The following HLCS variants were observed in gnomAD, a reference collection of about 807,000 sequenced individuals.
HLCS encodes the protein biotin--protein ligase.
In HLCS, 53 loss-of-function variants were observed where a neutral mutation model predicts 75.0. That is an observed-to-expected ratio of 0.71 (90% CI 0.57 to 0.89). The LOEUF (loss-of-function observed/expected upper bound fraction) is 0.89, where lower values mean the gene tolerates loss of function less well. HLCS is among the 40% of genes least tolerant of loss of function. The pLI is 0.00. For missense variants in HLCS, 966 were observed against 1,074.0 expected, an observed-to-expected ratio of 0.90 and a Z score of 1.41; for synonymous variants, 431 against 428.6, an observed-to-expected ratio of 1.01 and a Z score of -0.07.
At chr21:36,904,076 G>A (rs538306493) in intron 5 of HLCS, among the ~76,000 whole-genome samples, 9 of 152,264 alleles carry the variant, frequency 5.9e-5, no homozygotes, top group African/African-American at 2.2e-4. Flanking sequence ...AGAACCAAGA[G>A]CTAAATAAAC....
intron 2 of HLCS, among the ~76,000 whole-genome samples, chr21:36,941,051 A>G (rs901296779): frequency 3.3e-5 from 5 of 152,188 alleles, no homozygotes; most frequent in Admixed American, 1.3e-4. Flanking sequence ...GTCTCTACTA[A>G]AAACACAAAA....
At chr21:36,792,442 C>T (rs1335454328) in intron 6 of HLCS, among the ~76,000 whole-genome samples, 2 of 117,566 alleles carry the variant, frequency 1.7e-5, no homozygotes, top group African/African-American at 3.4e-5. Context: ...CTGATGATGA[C>T]AAGAAAAGGA....
chr21:36,866,147 C>A (rs2063546852), intron 6 of HLCS, among the ~76,000 whole-genome samples: 1 of 1,094 alleles, frequency 9.1e-4, no homozygotes, highest in Admixed American at 0.012. Flanking sequence ...TCAATCTGGA[C>A]CAAATTAGTT....
chr21:36,860,430 T>C (rs1317615866), intron 6 of HLCS, among the ~76,000 whole-genome samples: 1 of 152,166 alleles, frequency 6.6e-6, no homozygotes, highest in Non-Finnish European at 1.5e-5. Flanking sequence ...TGGCCAGGAC[T>C]GGTCAGATCA....
intron 6 of HLCS, among the ~76,000 whole-genome samples, chr21:36,846,337 T>C (rs1490499485): frequency 2.0e-5 from 3 of 152,198 alleles, no homozygotes; most frequent in Non-Finnish European, 4.4e-5. Context: ...TTTCCTAAAG[T>C]TCCTATACAT....
upstream of HLCS, among the ~76,000 whole-genome samples, chr21:36,966,820 CG>C (rs543610093): frequency 2.2e-4 from 19 of 87,586 alleles, no homozygotes; most frequent in South Asian, 3.9e-4. Context: ...GCGGGAGGGG[CG>C]GGGGGGGGTG....
intron 5 of HLCS, among the ~76,000 whole-genome samples, chr21:36,898,139 A>G (rs936398708): frequency 3.9e-4 from 59 of 152,284 alleles, no homozygotes; most frequent in African/African-American, 1.4e-3. Context: ...GAACGAGTCA[A>G]ATGACTTCAG....
At chr21:36,966,824 G>GC (rs2068625307), upstream of HLCS, among the ~76,000 whole-genome samples, 1 of 146,974 alleles carries the variant, frequency 6.8e-6, no homozygotes, top group Admixed American at 6.7e-5. Context: ...GAGGGGCGGG[G>GC]GGGGGTGAGG....
chr21:36,886,712 T>C (rs2064482049), intron 6 of HLCS, among the ~76,000 whole-genome samples: 1 of 152,212 alleles, frequency 6.6e-6, no homozygotes, highest in Non-Finnish European at 1.5e-5. Flanking sequence ...AATGTGATGG[T>C]AATCACTTTT....
At chr21:36,786,311 C>G (rs2060685786) in intron 6 of HLCS, among the ~76,000 whole-genome samples, 1 of 150,562 alleles carries the variant, frequency 6.6e-6, no homozygotes, top group South Asian at 2.1e-4. Context: ...CTAAAAAACA[C>G]AGTACCATAC....
intron 2 of HLCS, among the ~76,000 whole-genome samples, chr21:36,942,071 C>G (rs1309879761): frequency 1.3e-5 from 2 of 151,326 alleles, no homozygotes. Context: ...ACTCAGGAGG[C>G]TGAAGCTAGG....
intron 5 of HLCS, among the ~76,000 whole-genome samples, chr21:36,900,894 T>C (rs2065210113): frequency 6.6e-6 from 1 of 152,128 alleles, no homozygotes; most frequent in Admixed American, 6.5e-5. Context: ...GGAAATACTA[T>C]AGGAAGAGCA....
intron 6 of HLCS, among the ~76,000 whole-genome samples, chr21:36,888,249 T>C (rs1328534102): frequency 2.0e-5 from 3 of 151,322 alleles, no homozygotes; most frequent in Admixed American, 6.6e-5. Context: ...GGGTGCAGAG[T>C]TGAGTCAGTT....
At chr21:36,884,022 T>A (rs541411442) in intron 6 of HLCS, among the ~76,000 whole-genome samples, 39 of 152,332 alleles carry the variant, frequency 2.6e-4, no homozygotes, top group African/African-American at 8.4e-4. Flanking sequence ...TCAACACATT[T>A]GTGGGCAATT....
chr21:36,849,674 C>T (rs1015981325), intron 6 of HLCS, among the ~76,000 whole-genome samples: 3 of 152,234 alleles, frequency 2.0e-5, no homozygotes, highest in African/African-American at 4.8e-5. Context: ...CTGCCAGCAT[C>T]CGGCTCTGCC....
rs748447457 is a variant in HLCS, at chr21:36,756,621, G to A, written c.2371C>T (p.Leu791=). 3 of 1,614,172 alleles carry A rather than the reference G, an allele frequency of 1.9e-6. No homozygotes were observed. In the South Asian group the frequency reaches 3.3e-5, roughly 18 times the overall value. Residue 791 remains leucine, a synonymous_variant, in exon 10 of 11, where the codon CTG becomes TTG. Coordinates refer to ENST00000674895, the MANE Select transcript of HLCS (RefSeq NM_001352514.2). ...TGAAACTCTTTGATCAGTTTCTCCAGCACAGTCACGACTCTGGCGATGAGA... is the reference window on the plus strand; with the variant it reads ...TGAAACTCTTTGATCAGTTTCTCCAACACAGTCACGACTCTGGCGATGAGA... ...DYLIARVVTV[L]EKLIKEFQDK... is the part of the protein sequence containing the mutation.
At chr21:36,938,652 C>A (rs767164295) in intron 3 of HLCS, among the ~76,000 whole-genome samples, 180 bp downstream of exon 3, 1 of 152,130 alleles carries the variant, frequency 6.6e-6, no homozygotes, top group Non-Finnish European at 1.5e-5. Flanking sequence ...GCATGCACCA[C>A]CACACCCAGC....
chr21:36,936,753 TGGTACA>T lies in HLCS; in HGVS notation c.1127_1132del (p.Leu376_Tyr377del). On this transcript the variant is annotated inframe_deletion, in exon 4 of 11. Transcript: ENST00000674895. ...CTGAGAAAGATAGGCCATGAACTTC[TGGTACA>T]GGTCTTCGGGAATGGACTCCCTGGT... 1 of 1,614,228 alleles carries T rather than the reference TGGTACA, an allele frequency of 6.2e-7. No individual in the cohort carries two copies. The highest frequency in any genetic ancestry group is 8.5e-7 in the Non-Finnish European group (1 of 1,180,038).
chr21:36,979,402 C>T (rs571717698), intron 1 of HLCS, among the ~76,000 whole-genome samples: 28 of 152,104 alleles, frequency 1.8e-4, no homozygotes, highest in Non-Finnish European at 3.5e-4. Flanking sequence ...TACCTTCATC[C>T]GTTTACATTC....
Sources: allele counts gnomAD v4.1 joint callset (sites outside exome capture counted in the v4.1 genomes callset), GRCh38; gene constraint gnomAD v4.1.1; transcripts MANE v1.5; gene names NCBI Gene and HGNC (gene_info 2026-07-23, HGNC 2026-07-21).